IRAG2: variants seen among roughly 807,000 people sequenced by gnomAD.
The protein encoded by IRAG2 is inositol 1,4,5-triphosphate receptor associated 2, also known as lymphoid restricted membrane protein.
IRAG2 carries 45 observed loss-of-function variants against 69.9 expected under a neutral mutation model. That is an observed-to-expected ratio of 0.64 (90% CI 0.51 to 0.83). IRAG2 has a LOEUF of 0.83. Among genes scored for constraint, IRAG2 ranks in the 40% least tolerant of loss-of-function variants. The pLI, the probability that IRAG2 is intolerant of heterozygous loss-of-function variation, is 0.00. For missense variants in IRAG2, 520 were observed against 587.0 expected, an observed-to-expected ratio of 0.89 and a Z score of 1.18; for synonymous variants, 193 against 202.4, an observed-to-expected ratio of 0.95 and a Z score of 0.40.
At chr12:25,065,483 A>G (rs1202138578) in intron 4 of IRAG2, among the ~76,000 whole-genome samples, 1 of 152,188 alleles carries the variant, frequency 6.6e-6, no homozygotes, top group East Asian at 1.9e-4. Context: ...TGTGATCTCA[A>G]CCTATTTCCC....
chr12:25,076,577 A>G (rs920090060), intron 6 of IRAG2: 62 of 982,886 alleles, frequency 6.3e-5, no homozygotes, highest in Non-Finnish European at 7.5e-5. Flanking sequence ...GCATAATGGA[A>G]TAGAAAATAA....
upstream of IRAG2, among the ~76,000 whole-genome samples, chr12:25,048,434 C>A (rs1026899898): frequency 6.1e-4 from 93 of 151,970 alleles, no homozygotes; most frequent in African/African-American, 2.0e-3. Context: ...GTAGCTGGGA[C>A]TACAGGCACA....
intron 14 of IRAG2, among the ~76,000 whole-genome samples, chr12:25,096,650 G>T (rs1323292681): frequency 6.6e-6 from 1 of 152,114 alleles, no homozygotes; most frequent in African/African-American, 2.4e-5. Context: ...GAAGAAAGAT[G>T]TGGCAAATTT....
At chr12:25,094,292 C>A (rs1334646948) in intron 14 of IRAG2, among the ~76,000 whole-genome samples, 1 of 151,986 alleles carries the variant, frequency 6.6e-6, no homozygotes, top group Non-Finnish European at 1.5e-5. Flanking sequence ...CAATTTCATT[C>A]TTTTGCATGT....
rs547978523 is a variant in IRAG2 at position 25,072,900 on chromosome 12, A to T, written c.24+3469A>T. Among the ~76,000 whole-genome samples, 26 of 152,400 alleles carry T rather than the reference A, an allele frequency of 1.7e-4. No individual in the cohort carries two copies. The South Asian group carries it at 5.4e-3, about 32-fold the overall frequency. On this transcript the variant is annotated intron_variant, in intron 6 of 21. Transcript: ENST00000556887. The stretch of plus-strand genomic sequence containing the variant: ...CTGTTTTCTTTGCCCAGAACAATGT[A>T]TGCTTTTCCATTTATCAAAATTCTA...
intron 10 of IRAG2, chr12:25,032,050 C>T (rs1944672332): frequency 5.0e-6 from 2 of 397,204 alleles, no homozygotes; most frequent in Non-Finnish European, 8.9e-6. Context: ...TGGGCATTTA[C>T]AATTTTTCTG....
intron 6 of IRAG2, among the ~76,000 whole-genome samples, chr12:25,020,103 A>G (rs1055152333): frequency 6.6e-6 from 1 of 152,218 alleles, no homozygotes; most frequent in African/African-American, 2.4e-5. Flanking sequence ...GTAATTTCTT[A>G]GGAAAAAAAT....
In IRAG2 at chr12:25,066,504, A is replaced by G; in HGVS notation, c.-67A>G. The G allele has an allele frequency of 2.5e-6, 1 of 401,368 alleles. No individual in the cohort carries two copies. Among genetic ancestry groups the G allele is most frequent in the South Asian group, 1.3e-4 (1 of 7,954 alleles). The allele number at this position is 401,368 out of a possible 1,614,324, so 24.9% of individuals were successfully genotyped here. Reference sequence around the variant, plus strand: ...AGGATGGTGCTTTGGATGTAAAAAGACAACACAAGTAGGTTAAGAGCAAAA... The same window carrying G: ...AGGATGGTGCTTTGGATGTAAAAAGGCAACACAAGTAGGTTAAGAGCAAAA... On this transcript the variant is annotated 5_prime_UTR_variant, in exon 5 of 22. Transcript: ENST00000556887.
intron 16 of IRAG2, among the ~76,000 whole-genome samples, chr12:25,101,536 T>C (rs112359864): frequency 3.3e-5 from 5 of 152,192 alleles, no homozygotes; most frequent in African/African-American, 1.2e-4. Context: ...ACACCAAAAA[T>C]TTATTAACTC....
chr12:25,019,450 C>T (rs376226743), intron 6 of IRAG2, among the ~76,000 whole-genome samples: 141 of 152,268 alleles, frequency 9.3e-4, no homozygotes, highest in African/African-American at 3.3e-3. Flanking sequence ...AGATAATCTT[C>T]CCCTGGAGTT....
At chr12:25,074,080 TG>T (rs1946509466) in intron 6 of IRAG2, among the ~76,000 whole-genome samples, 2 of 152,262 alleles carry the variant, frequency 1.3e-5, no homozygotes, top group Admixed American at 1.3e-4. Context: ...TGTGTGAACT[TG>T]GACACATGAC....
chr12:25,065,285 C>T (rs548047399), intron 4 of IRAG2, among the ~76,000 whole-genome samples: 2 of 152,280 alleles, frequency 1.3e-5, no homozygotes, highest in South Asian at 4.1e-4. Context: ...TCACTTTATA[C>T]ATAAGCAAAC....
In IRAG2 at chr12:25,012,143, C is replaced by CTTTTTTTTTTTTTTTTTTTTT. The variant is rs1944480147; in HGVS notation, c.896+592_896+593insTTTTTTTTTTTTTTTTTTTTT. 3.7e-4 allele frequency among the ~76,000 whole-genome samples: 9 copies of CTTTTTTTTTTTTTTTTTTTTT among 24,096 alleles called. 4 individuals carry two copies. The highest frequency in any genetic ancestry group is 2.7e-4 in the Non-Finnish European group (2 of 7,326). 15.8% of individuals were successfully genotyped at this position (24,096 alleles called of 152,430 possible). ...GTCTTCTTCCACAGAAAGCGAATTCCCTTTTTTTTTTTTTTTTTTTTTTTT... is the reference window on the plus strand; with the variant it reads ...GTCTTCTTCCACAGAAAGCGAATTCCTTTTTTTTTTTTTTTTTTTTTCTTTTTTTTTTTTTTTTTTTTTTTT... On this transcript the variant is annotated intron_variant, in intron 3 of 38. Coordinates refer to the IRAG2 transcript ENST00000636465.
the IRAG2 span, among the ~76,000 whole-genome samples, chr12:24,998,996 A>T: frequency 6.6e-6 from 1 of 152,226 alleles, no homozygotes; most frequent in Admixed American, 6.5e-5. Context: ...TTTTTCCAGG[A>T]TGCTGCTTTT....
chr12:25,012,766 T>C (rs1944486955), intron 3 of IRAG2, among the ~76,000 whole-genome samples: 1 of 151,992 alleles, frequency 6.6e-6, no homozygotes, highest in Non-Finnish European at 1.5e-5. Flanking sequence ...AGGTGGAGGT[T>C]GAAGTGAGCC....
In IRAG2 at chr12:25,103,848, A is replaced by G. The variant is rs1162428511; in HGVS notation, c.945A>G (p.Leu315=). Residue 315 remains leucine, a synonymous_variant, in exon 18 of 22, where the codon CTA becomes CTG. Coordinates refer to ENST00000556887, the MANE Select transcript of IRAG2 (RefSeq NM_001366544.2). Reference sequence around the variant, plus strand: ...CCTCCTTCTGGTAGCCATCTTCTCTACGAAGAGTGACTATTGCCTCTTTAC... The same window carrying G: ...CCTCCTTCTGGTAGCCATCTTCTCTGCGAAGAGTGACTATTGCCTCTTTAC... ...SASLNSKPSS[L]RRVTIASLPR... The G allele has an allele frequency of 2.5e-6, 4 of 1,612,226 alleles. No individual in the cohort carries two copies. Among genetic ancestry groups the G allele is most frequent in the African/African-American group, 2.7e-5 (2 of 74,894 alleles).
At chr12:25,013,326 A>G (rs1411274422) in intron 3 of IRAG2, among the ~76,000 whole-genome samples, 1 of 152,134 alleles carries the variant, frequency 6.6e-6, no homozygotes, top group Non-Finnish European at 1.5e-5. Flanking sequence ...AAAAATTTTA[A>G]AATTAGCCAG....
At chr12:25,082,228 A>T (rs569173811) in intron 9 of IRAG2, among the ~76,000 whole-genome samples, 8 of 152,232 alleles carry the variant, frequency 5.3e-5, no homozygotes, top group Non-Finnish European at 1.2e-4. Flanking sequence ...GGGAGGAAAA[A>T]TTTTCACTGT....
intron 20 of IRAG2, among the ~76,000 whole-genome samples, chr12:25,104,667 G>A (rs1948934387): frequency 6.6e-6 from 1 of 152,136 alleles, no homozygotes; most frequent in Non-Finnish European, 1.5e-5. Flanking sequence ...GAATGGCAAA[G>A]TTTGAGGTCT....
Sources: gnomAD v4.1 joint callset for allele counts (sites outside exome capture counted in the v4.1 genomes callset) on GRCh38, gnomAD v4.1.1 for gene constraint, MANE v1.5 for transcripts, NCBI Gene and HGNC (gene_info 2026-07-23, HGNC 2026-07-21) for gene names.